Variants in IAH1 observed in about 807,000 individuals in gnomAD.
IAH1 encodes isoamyl acetate-hydrolyzing esterase 1 homolog.
Under a neutral mutation model 26.7 loss-of-function variants are expected in IAH1, and 24 were observed. The ratio of observed to expected loss-of-function variants is 0.90; its 90% CI spans 0.65 to 1.26. IAH1 has a LOEUF of 1.26. Ranked by LOEUF, IAH1 falls within the 50% of genes most tolerant of loss-of-function variation. The pLI is 0.00. For missense variants in IAH1, 300 were observed against 299.9 expected (o/e 1.00, Z 0.00); for synonymous variants, 140 against 118.5 (o/e 1.18, Z -1.18).
At chr2:9,490,479 G>GT (rs1257938701), downstream of IAH1, 3 of 1,613,936 alleles carry the variant, frequency 1.9e-6, no homozygotes, top group Non-Finnish European at 2.5e-6. Flanking sequence ...TTGATAATGC[G>GT]AACCGATGCA....
downstream of IAH1, chr2:9,490,559 A>G (rs1473868901): frequency 2.6e-6 from 4 of 1,556,476 alleles, no homozygotes; most frequent in Non-Finnish European, 3.5e-6. Context: ...GGAATAAAAG[A>G]TGAATCGGAG....
intron 5 of IAH1, chr2:9,487,519 C>T (rs1661586243): frequency 6.6e-6 from 1 of 152,160 alleles, no homozygotes; most frequent in Non-Finnish European, 1.5e-5. Flanking sequence ...ATTCAGAAGA[C>T]CTGGAATGAG....
downstream of IAH1, among the ~76,000 whole-genome samples, chr2:9,499,550 C>T (rs1161164376): frequency 2.0e-5 from 3 of 151,994 alleles, no homozygotes; most frequent in South Asian, 2.1e-4. Flanking sequence ...TACAGGCGCC[C>T]GCCACCACGC....
downstream of IAH1, among the ~76,000 whole-genome samples, chr2:9,494,393 A>T (rs1662395089): frequency 6.6e-6 from 1 of 152,102 alleles, no homozygotes; most frequent in Admixed American, 6.6e-5. Flanking sequence ...ACTTTACCAT[A>T]AAGTCCCCAC....
chr2:9,491,494 G>C (rs2124953824), downstream of IAH1, among the ~76,000 whole-genome samples: 1 of 152,324 alleles, frequency 6.6e-6, no homozygotes, highest in East Asian at 1.9e-4. Context: ...CCAGATGCTG[G>C]GTACACCAGG....
chr2:9,511,855 C>G, the IAH1 span, among the ~76,000 whole-genome samples: 9,706 of 151,920 alleles, frequency 0.064, 1,099 homozygotes, highest in African/African-American at 0.22. Context: ...CCTGTAATCG[C>G]AGCTATTTGG....
chr2:9,497,594 G>A (rs1440610563), downstream of IAH1, among the ~76,000 whole-genome samples: 3 of 152,134 alleles, frequency 2.0e-5, no homozygotes, highest in East Asian at 1.9e-4. Flanking sequence ...AGAACTCCAC[G>A]GCCTTCCCTA....
At chr2:9,492,794 C>A (rs1662269668), downstream of IAH1, 3 of 959,718 alleles carry the variant, frequency 3.1e-6, no homozygotes, top group African/African-American at 5.1e-5. Context: ...AAATATCAGG[C>A]CAAACTTTGC....
chr2:9,490,125 C>CAAATCTATAAAA (rs1331511067), downstream of IAH1: 8 of 1,481,052 alleles, frequency 5.4e-6, no homozygotes, highest in Admixed American at 1.6e-4. Flanking sequence ...ATTTGTAGGT[C>CAAATCTATAAAA]AAATCTATAA....
At chr2:9,502,270 C>A in the IAH1 span, 1 of 1,612,916 alleles carries the variant, frequency 6.2e-7, no homozygotes, top group South Asian at 1.1e-5. Flanking sequence ...AAGGACTGTT[C>A]CTGTCACTGG....
At chr2:9,487,833 T>TGTGTGTGTGCGC (rs1192269311) in intron 5 of IAH1, among the ~76,000 whole-genome samples, 4 of 82,706 alleles carry the variant, frequency 4.8e-5, no homozygotes, top group Admixed American at 1.1e-4. Flanking sequence ...TGTGTGTGTG[T>TGTGTGTGTGCGC]GCGCGCGCGC....
intron 4 of IAH1, 73 bp downstream of exon 4, chr2:9,481,520 T>C (rs1359593449): frequency 6.8e-7 from 1 of 1,469,368 alleles, no homozygotes; most frequent in Non-Finnish European, 9.4e-7. Flanking sequence ...AGGACAGTGG[T>C]TTCCTGCCTG....
At chr2:9,475,128 A>C in intron 1 of IAH1, 2 of 1,277,054 alleles carry the variant, frequency 1.6e-6, no homozygotes, top group South Asian at 2.5e-5. Flanking sequence ...CCTTGGAAGT[A>C]AAACGCCTTC....
chr2:9,502,242 A>G, the IAH1 span: 1 of 1,614,026 alleles, frequency 6.2e-7, no homozygotes, highest in Non-Finnish European at 8.5e-7. Context: ...GCAGTCTCAA[A>G]CTGACAGTTT....
At chr2:9,479,426 T>C (rs1661025168) in intron 3 of IAH1, among the ~76,000 whole-genome samples, 1 of 152,154 alleles carries the variant, frequency 6.6e-6, no homozygotes, top group Non-Finnish European at 1.5e-5. Flanking sequence ...GTAATGTCTT[T>C]AGTGTAGAAA....
downstream of IAH1, chr2:9,493,747 C>G: frequency 9.3e-6 from 15 of 1,613,136 alleles, no homozygotes; most frequent in Non-Finnish European, 1.3e-5. Flanking sequence ...AATCACCTAC[C>G]AAAAGTATTG....
chr2:9,496,004 T>C (rs1440948946), intron 6 of IAH1, among the ~76,000 whole-genome samples: 2 of 151,888 alleles, frequency 1.3e-5, no homozygotes, highest in East Asian at 3.9e-4. Context: ...TCAACCTATC[T>C]TCTTTACCTA....
At chr2:9,502,164 AAC>A in the IAH1 span, 1 of 1,611,520 alleles carries the variant, frequency 6.2e-7, no homozygotes, top group Non-Finnish European at 8.5e-7. Flanking sequence ...AAGCAACAAG[AAC>A]ACGAACCTGT....
At chr2:9,486,753 C>G (rs943173660) in intron 5 of IAH1, 1 of 151,402 alleles carries the variant, frequency 6.6e-6, no homozygotes, top group Non-Finnish European at 1.5e-5. Context: ...CACCTGAACC[C>G]GGGAGGCAGA....
Sources: gnomAD v4.1 joint callset for allele counts (sites outside exome capture counted in the v4.1 genomes callset) on GRCh38, gnomAD v4.1.1 for gene constraint, MANE v1.5 for transcripts, NCBI Gene and HGNC (gene_info 2026-07-23, HGNC 2026-07-21) for gene names.